ANKS1B: variants seen among roughly 807,000 people sequenced by gnomAD.
The protein encoded by ANKS1B is ankyrin repeat and sterile alpha motif domain-containing protein 1B.
A neutral mutation model predicts 148.3 loss-of-function variants in ANKS1B; 36 were observed. That is an observed-to-expected ratio of 0.24 (90% CI 0.19 to 0.32). The LOEUF is 0.32. Among genes scored for constraint, ANKS1B ranks in the 10% least tolerant of loss-of-function variants. ANKS1B has a pLI of 1.00. For missense variants in ANKS1B, 1,157 were observed against 1,542.6 expected (o/e 0.75, Z 4.19); for synonymous variants, 542 against 560.8 (o/e 0.97, Z 0.47).
intron 8 of ANKS1B, among the ~76,000 whole-genome samples, chr12:99,696,649 A>G (rs1308208479): frequency 6.6e-6 from 1 of 152,218 alleles, no homozygotes; most frequent in Non-Finnish European, 1.5e-5. Context: ...AAAAATCTAG[A>G]TAGTGTTGGG....
intron 12 of ANKS1B, among the ~76,000 whole-genome samples, chr12:99,296,172 T>C (rs892373491): frequency 6.6e-6 from 1 of 152,208 alleles, no homozygotes; most frequent in African/African-American, 2.4e-5. Context: ...CTGGACTCTG[T>C]ATTTTGTTTC....
chr12:99,942,955 T>C (rs1566049889), intron 1 of ANKS1B, among the ~76,000 whole-genome samples: 2 of 152,308 alleles, frequency 1.3e-5, no homozygotes, highest in East Asian at 3.9e-4. Context: ...GATTCACGAA[T>C]GACCACACAA....
At chr12:99,449,770 T>C (rs1567122620) in intron 10 of ANKS1B, among the ~76,000 whole-genome samples, 1 of 152,166 alleles carries the variant, frequency 6.6e-6, no homozygotes, top group Non-Finnish European at 1.5e-5. Flanking sequence ...TTGAGAGCAG[T>C]ATCTTTTAGC....
intron 17 of ANKS1B, among the ~76,000 whole-genome samples, chr12:98,908,922 A>G (rs555535447): frequency 6.6e-6 from 1 of 152,296 alleles, no homozygotes; most frequent in Admixed American, 6.5e-5. Flanking sequence ...CCGTCATGAA[A>G]TCTTCAGTAA....
intron 17 of ANKS1B, among the ~76,000 whole-genome samples, chr12:99,019,451 T>C (rs997190829): frequency 6.6e-6 from 1 of 152,164 alleles, no homozygotes; most frequent in African/African-American, 2.4e-5. Flanking sequence ...AAGAATCTGA[T>C]GATATTCAAA....
At chr12:98,854,414 T>A (rs2153786201) in intron 17 of ANKS1B, among the ~76,000 whole-genome samples, 1 of 152,340 alleles carries the variant, frequency 6.6e-6, no homozygotes, top group East Asian at 1.9e-4. Context: ...TAGATGATAT[T>A]TAGTAATATG....
chr12:98,762,559 A>G (rs559297703), intron 25 of ANKS1B, among the ~76,000 whole-genome samples: 4 of 152,310 alleles, frequency 2.6e-5, no homozygotes, highest in African/African-American at 9.6e-5. Flanking sequence ...CATTTCATCT[A>G]TTACAAAATG....
intron 10 of ANKS1B, among the ~76,000 whole-genome samples, chr12:99,455,519 C>G (rs2095833600): frequency 6.6e-6 from 1 of 152,134 alleles, no homozygotes; most frequent in African/African-American, 2.4e-5. Context: ...TAGCCTGGGG[C>G]AAGTTCTTAG....
intron 1 of ANKS1B, among the ~76,000 whole-genome samples, chr12:99,957,542 A>G (rs1348827347): frequency 6.6e-6 from 1 of 152,196 alleles, no homozygotes; most frequent in Non-Finnish European, 1.5e-5. Flanking sequence ...CATCTCTGAT[A>G]ATTTTCCAGC....
intron 1 of ANKS1B, among the ~76,000 whole-genome samples, chr12:99,826,272 G>A (rs539233846): frequency 1.3e-5 from 2 of 152,128 alleles, no homozygotes; most frequent in Non-Finnish European, 2.9e-5. Context: ...AGAACATAGT[G>A]TAATGGAAAA....
At chr12:98,806,258 C>T (rs2099050325) in intron 20 of ANKS1B, among the ~76,000 whole-genome samples, 1 of 152,178 alleles carries the variant, frequency 6.6e-6, no homozygotes, top group South Asian at 2.1e-4. Flanking sequence ...ACTTTTCTAA[C>T]ATTAATAGAA....
chr12:99,651,101 T>C (rs1207644017), intron 9 of ANKS1B, among the ~76,000 whole-genome samples: 2 of 152,192 alleles, frequency 1.3e-5, no homozygotes, highest in East Asian at 3.8e-4. Flanking sequence ...TACATAGTAC[T>C]GTACTAATTG....
intron 17 of ANKS1B, among the ~76,000 whole-genome samples, chr12:98,880,530 G>T (rs887283270): frequency 3.9e-5 from 6 of 152,158 alleles, no homozygotes; most frequent in Admixed American, 3.3e-4. Context: ...ACTTTGGGAG[G>T]CCGAGGCGGG....
rs541224337 is a variant in ANKS1B at position 99,849,956 on chromosome 12, G to T, written c.135-24567C>A. Among the ~76,000 whole-genome samples, 4 of 152,140 alleles carry T rather than the reference G, an allele frequency of 2.6e-5. No homozygotes were observed. In the South Asian group the frequency reaches 8.3e-4, roughly 32 times the overall value. ...AAACTTATGATTTACATACCTCTCT[G>T]TGGGTTTATTTAAACAAAATGACAA... On this transcript the variant is annotated intron_variant, in intron 1 of 26. Coordinates refer to ENST00000683438, the MANE Select transcript of ANKS1B (RefSeq NM_001352186.2).
intron 17 of ANKS1B, among the ~76,000 whole-genome samples, chr12:98,982,687 A>G (rs1452090920): frequency 1.3e-5 from 2 of 152,170 alleles, no homozygotes; most frequent in African/African-American, 4.8e-5. Context: ...TTCATACCAC[A>G]TTATGTTCCT....
intron 8 of ANKS1B, among the ~76,000 whole-genome samples, chr12:99,704,340 G>A (rs1037113719): frequency 2.0e-5 from 3 of 151,896 alleles, no homozygotes; most frequent in African/African-American, 7.3e-5. Context: ...TGCTCATGTG[G>A]AACAAGCATA....
chr12:99,031,267 A>G (rs936805126), intron 17 of ANKS1B, among the ~76,000 whole-genome samples: 2 of 152,224 alleles, frequency 1.3e-5, no homozygotes, highest in African/African-American at 4.8e-5. Context: ...TCTAAATCAT[A>G]TGCCAGGAAT....
intron 1 of ANKS1B, among the ~76,000 whole-genome samples, chr12:99,833,014 C>T (rs903720701): frequency 2.0e-5 from 3 of 152,150 alleles, no homozygotes; most frequent in Admixed American, 1.3e-4. Flanking sequence ...TATAGCCACA[C>T]GACTATAAGA....
chr12:99,962,914 C>G (rs1222652400), intron 1 of ANKS1B, among the ~76,000 whole-genome samples: 3 of 151,608 alleles, frequency 2.0e-5, no homozygotes, highest in Non-Finnish European at 4.4e-5. Context: ...CCCGGGCTCA[C>G]GCCATTCTCC....
Sources: gnomAD v4.1 joint callset for allele counts (sites outside exome capture counted in the v4.1 genomes callset) on GRCh38, gnomAD v4.1.1 for gene constraint, MANE v1.5 for transcripts, NCBI Gene and HGNC (gene_info 2026-07-23, HGNC 2026-07-21) for gene names.